Variants in ROBO2 observed in about 807,000 individuals in gnomAD.
ROBO2 encodes roundabout guidance receptor 2.
In ROBO2, 53 loss-of-function variants were observed where a neutral mutation model predicts 160.8. The observed-to-expected ratio is 0.33, with a 90% CI of 0.26 to 0.41. The LOEUF is 0.41. Among genes scored for constraint, ROBO2 ranks in the 10% least tolerant of loss-of-function variants. The pLI is 1.00. For missense variants in ROBO2, 1,577 were observed against 1,722.4 expected (o/e 0.92, Z 1.49); for synonymous variants, 664 against 611.7 (o/e 1.09, Z -1.26).
chr3:77,167,729 G>A (rs1407327062), intron 2 of ROBO2, among the ~76,000 whole-genome samples: 2 of 152,200 alleles, frequency 1.3e-5, no homozygotes, highest in Admixed American at 6.5e-5. Flanking sequence ...CTGTTACAAA[G>A]GTTAATACAT....
Position 76,527,055 on chromosome 3 carries a change from A to ATG in ROBO2, c.110-570948_110-570947dup, listed in dbSNP as rs550616221. Among the ~76,000 whole-genome samples, 433 of 152,018 alleles carry ATG rather than the reference A, an allele frequency of 2.8e-3. 4 individuals are homozygous for ATG. Among genetic ancestry groups the ATG allele is most frequent in the African/African-American group, 9.8e-3 (406 of 41,484 alleles). On this transcript the variant is annotated intron_variant, in intron 2 of 26. Coordinates refer to the ROBO2 transcript ENST00000487694. ...ATTTTTTCTGATAAATTTCAGCTGT[A>ATG]TGTGTGTGTGTGGAATTTTATTTTT...
chr3:77,086,128 C>T (rs2069273256), intron 1 of ROBO2, among the ~76,000 whole-genome samples: 1 of 152,042 alleles, frequency 6.6e-6, no homozygotes, highest in South Asian at 2.1e-4. Context: ...TAGGCATCAA[C>T]ATTTGCTTTA....
chr3:76,806,856 A>G (rs1388750397), intron 2 of ROBO2, among the ~76,000 whole-genome samples: 1 of 152,094 alleles, frequency 6.6e-6, no homozygotes, highest in African/African-American at 2.4e-5. Context: ...GAGAATATGT[A>G]TCACTTCCTT....
Position 76,517,539 on chromosome 3 carries a change from C to A in ROBO2, c.109+579937C>A, listed in dbSNP as rs533829081. Among the ~76,000 whole-genome samples, 18 of 152,158 alleles carry A rather than the reference C, an allele frequency of 1.2e-4. No individual in the cohort carries two copies. The South Asian group carries it at 3.7e-3, about 32-fold the overall frequency. On this transcript the variant is annotated intron_variant, in intron 2 of 26. Transcript: ENST00000487694. The stretch of plus-strand genomic sequence containing the variant: ...GCAGCAGTAGAGTGTGGATTTCTAC[C>A]CAAATCCAACTGGTGGCAAAAAACA...
chr3:77,616,627 C>T (rs2094783919), intron 21 of ROBO2, among the ~76,000 whole-genome samples: 1 of 151,876 alleles, frequency 6.6e-6, no homozygotes, highest in South Asian at 2.1e-4. Context: ...ACCACTATAT[C>T]CAATAATATT....
intron 2 of ROBO2, among the ~76,000 whole-genome samples, chr3:76,736,581 G>C (rs1196266592): frequency 2.0e-5 from 3 of 152,148 alleles, no homozygotes; most frequent in Non-Finnish European, 2.9e-5. Context: ...AAAATAGACA[G>C]ACTTTTAGAA....
intron 2 of ROBO2, among the ~76,000 whole-genome samples, chr3:76,798,167 A>G (rs1211847027): frequency 3.8e-5 from 5 of 131,740 alleles, no homozygotes; most frequent in African/African-American, 1.2e-4. Context: ...AGAAAGAAAG[A>G]AAGGGAGAGA....
chr3:76,829,112 C>G (rs1253551122), intron 2 of ROBO2, among the ~76,000 whole-genome samples: 4 of 152,118 alleles, frequency 2.6e-5, no homozygotes, highest in African/African-American at 4.8e-5. Context: ...TACAGACACA[C>G]CTTGAACTCC....
intron 2 of ROBO2, among the ~76,000 whole-genome samples, chr3:76,779,170 A>C (rs1447816854): frequency 6.6e-6 from 1 of 151,030 alleles, no homozygotes; most frequent in East Asian, 2.0e-4. Flanking sequence ...TACTCCTTTA[A>C]AAAATATTGA....
At chr3:77,116,942 A>G (rs549861223) in intron 2 of ROBO2, among the ~76,000 whole-genome samples, 1 of 152,148 alleles carries the variant, frequency 6.6e-6, no homozygotes, top group African/African-American at 2.4e-5. Flanking sequence ...CTCATAACAC[A>G]TTTTCTTCAA....
intron 2 of ROBO2, among the ~76,000 whole-genome samples, chr3:77,374,956 C>A (rs972806293): frequency 6.6e-6 from 1 of 152,150 alleles, no homozygotes; most frequent in African/African-American, 2.4e-5. Flanking sequence ...TACCTGTAAT[C>A]CCGGCGCTTT....
chr3:76,108,479 G>GTT (rs1248617968), intron 2 of ROBO2, among the ~76,000 whole-genome samples: 1 of 151,252 alleles, frequency 6.6e-6, no homozygotes, highest in Non-Finnish European at 1.5e-5. Context: ...ACTATTTTTT[G>GTT]TTTTATTTAG....
chr3:76,518,729 G>T (rs578128331), intron 2 of ROBO2, among the ~76,000 whole-genome samples: 7 of 152,168 alleles, frequency 4.6e-5, no homozygotes, highest in Non-Finnish European at 8.8e-5. Context: ...ATGTCATCAT[G>T]TTCTCTTTGA....
intron 2 of ROBO2, among the ~76,000 whole-genome samples, chr3:76,796,801 C>T (rs1436884708): frequency 1.3e-5 from 2 of 151,928 alleles, no homozygotes; most frequent in African/African-American, 4.8e-5. Flanking sequence ...GGTATATCTA[C>T]ATTTGGATCA....
At chr3:76,929,251 C>G (rs989629963) in intron 2 of ROBO2, among the ~76,000 whole-genome samples, 2 of 152,072 alleles carry the variant, frequency 1.3e-5, no homozygotes, top group East Asian at 1.9e-4. Context: ...TGGAGCGAGA[C>G]TCCATCTCAA....
At chr3:76,556,325 T>C (rs1259439904) in intron 2 of ROBO2, among the ~76,000 whole-genome samples, 1 of 152,054 alleles carries the variant, frequency 6.6e-6, no homozygotes, top group Non-Finnish European at 1.5e-5. Flanking sequence ...TCCTAGTAGC[T>C]CTGAAGCCTC....
intron 2 of ROBO2, among the ~76,000 whole-genome samples, chr3:76,503,000 A>ATATG (rs1553776535): frequency 1.3e-4 from 18 of 143,150 alleles, no homozygotes; most frequent in East Asian, 2.0e-4. Context: ...ATATATATAT[A>ATATG]TGTGTGTGTG....
At position 76,439,623 on chromosome 3, in the gene ROBO2, T is replaced by A. The variant is rs372799471; in HGVS notation, c.109+502021T>A. Among the ~76,000 whole-genome samples the A allele has an allele frequency of 3.9e-5, 6 of 152,158 alleles. No individual in the cohort carries two copies. The East Asian group carries it at 1.2e-3, about 29-fold the overall frequency. The stretch of plus-strand genomic sequence containing the variant: ...AACAAAATAAAACAAAACAACTGCA[T>A]TGCTTGTACTCAATGAGGGCAAGTG... On this transcript the variant is annotated intron_variant, in intron 2 of 26. Coordinates refer to the ROBO2 transcript ENST00000487694.
At chr3:77,238,205 A>G (rs957591114) in intron 2 of ROBO2, among the ~76,000 whole-genome samples, 1 of 152,140 alleles carries the variant, frequency 6.6e-6, no homozygotes, top group Non-Finnish European at 1.5e-5. Flanking sequence ...CTAGACATCT[A>G]TCATGTAGCA....
Sources: allele counts gnomAD v4.1 joint callset (sites outside exome capture counted in the v4.1 genomes callset), GRCh38; gene constraint gnomAD v4.1.1; transcripts MANE v1.5; gene names NCBI Gene and HGNC (gene_info 2026-07-23, HGNC 2026-07-21).